Variants in NR6A1 observed in about 807,000 individuals in gnomAD.
NR6A1 encodes nuclear receptor subfamily 6 group A member 1.
Under a neutral mutation model 59.1 loss-of-function variants are expected in NR6A1, and 7 were observed. The ratio of observed to expected loss-of-function variants is 0.12; its 90% CI spans 0.07 to 0.22. The LOEUF (loss-of-function observed/expected upper bound fraction) is 0.22. Among genes scored for constraint, NR6A1 ranks in the 10% least tolerant of loss-of-function variants. The probability of loss-of-function intolerance (pLI) is 1.00; values close to 1 mark genes in which losing one functional copy is unlikely to be tolerated. For synonymous variants in NR6A1, 243 were observed against 236.1 expected, an observed-to-expected ratio of 1.03 and a Z score of -0.27; for missense variants, 468 against 611.6, an observed-to-expected ratio of 0.77 and a Z score of 2.48.
intron 2 of NR6A1, among the ~76,000 whole-genome samples, chr9:124,716,212 T>A (rs1472174429): frequency 6.6e-6 from 1 of 151,942 alleles, no homozygotes; most frequent in Non-Finnish European, 1.5e-5. Flanking sequence ...CTCAAAAAAA[T>A]AAAATGTAAT....
chr9:124,722,275 T>C (rs963602565), intron 2 of NR6A1, among the ~76,000 whole-genome samples: 2 of 152,342 alleles, frequency 1.3e-5, no homozygotes, highest in Admixed American at 6.5e-5. Flanking sequence ...GCAAAGTGCC[T>C]GGCACACAAG....
At chr9:124,544,956 T>C (rs1387610189) in intron 3 of NR6A1, among the ~76,000 whole-genome samples, 1 of 152,188 alleles carries the variant, frequency 6.6e-6, no homozygotes, top group Non-Finnish European at 1.5e-5. Context: ...GATAAGCTAA[T>C]GACATTATGT....
At chr9:124,640,754 G>A (rs973324457) in intron 2 of NR6A1, among the ~76,000 whole-genome samples, 3 of 151,470 alleles carry the variant, frequency 2.0e-5, no homozygotes, top group Non-Finnish European at 4.4e-5. Context: ...CAGCACCCAA[G>A]CAGGATTACA....
intron 2 of NR6A1, among the ~76,000 whole-genome samples, chr9:124,705,652 C>T (rs1282250011): frequency 6.6e-6 from 1 of 152,120 alleles, no homozygotes; most frequent in Non-Finnish European, 1.5e-5. Flanking sequence ...GGTACATTCA[C>T]ATTTAATATA....
At chr9:124,528,488 C>G (rs747443128) in intron 7 of NR6A1, among the ~76,000 whole-genome samples, 25 of 152,066 alleles carry the variant, frequency 1.6e-4, no homozygotes, top group Non-Finnish European at 2.9e-4. Flanking sequence ...ACTGCTTGAG[C>G]CCAGGAGTTC....
At chr9:124,738,199 A>G (rs1840068039) in intron 1 of NR6A1, among the ~76,000 whole-genome samples, 2 of 152,176 alleles carry the variant, frequency 1.3e-5, no homozygotes, top group Admixed American at 6.5e-5. Flanking sequence ...GGTTGCAGTG[A>G]GCGGAGATCG....
chr9:124,526,312 G>T (rs1588636504), intron 8 of NR6A1, among the ~76,000 whole-genome samples: 1 of 151,906 alleles, frequency 6.6e-6, no homozygotes, highest in African/African-American at 2.4e-5. Context: ...GTGTGTGTGT[G>T]TGTGTTTGTG....
intron 2 of NR6A1, among the ~76,000 whole-genome samples, chr9:124,669,941 G>A (rs762575339): frequency 6.6e-6 from 1 of 152,034 alleles, no homozygotes; most frequent in Admixed American, 6.6e-5. Context: ...GTAGGCCCTC[G>A]ATAAATACTT....
intron 2 of NR6A1, among the ~76,000 whole-genome samples, chr9:124,630,832 C>T (rs1836419806): frequency 6.6e-6 from 1 of 151,762 alleles, no homozygotes; most frequent in African/African-American, 2.4e-5. Flanking sequence ...GTATGGGCCA[C>T]CACATCCTGC....
intron 4 of NR6A1, among the ~76,000 whole-genome samples, chr9:124,541,166 A>C (rs913418534): frequency 6.6e-6 from 1 of 152,214 alleles, no homozygotes; most frequent in Non-Finnish European, 1.5e-5. Flanking sequence ...TGTGCAACAA[A>C]GGAAACAATC....
intron 2 of NR6A1, among the ~76,000 whole-genome samples, chr9:124,696,814 G>A (rs1838779971): frequency 6.6e-6 from 1 of 151,936 alleles, no homozygotes; most frequent in Non-Finnish European, 1.5e-5. Flanking sequence ...GTACCACCAT[G>A]CCTGGATAAT....
At chr9:124,540,293 T>G in intron 4 of NR6A1, 106 bp from the exon 5 acceptor site, 109 of 1,226,384 alleles carry the variant, frequency 8.9e-5, no homozygotes, top group Non-Finnish European at 1.1e-4. Flanking sequence ...GAAACCTAGG[T>G]TCCCTCTCCT....
At chr9:124,754,210 C>T (rs1840580885) in intron 1 of NR6A1, among the ~76,000 whole-genome samples, 1 of 152,190 alleles carries the variant, frequency 6.6e-6, no homozygotes, top group African/African-American at 2.4e-5. Context: ...GTACTTACTA[C>T]AGTCCCACCA....
At chr9:124,765,190 T>C (rs1205135153) in intron 1 of NR6A1, among the ~76,000 whole-genome samples, 1 of 152,228 alleles carries the variant, frequency 6.6e-6, no homozygotes, top group African/African-American at 2.4e-5. Flanking sequence ...GATTATATAA[T>C]GCTGATGGAG....
intron 2 of NR6A1, among the ~76,000 whole-genome samples, chr9:124,562,657 T>C (rs1834115140): frequency 6.6e-6 from 1 of 152,132 alleles, no homozygotes; most frequent in South Asian, 2.1e-4. Flanking sequence ...TCATATTAAA[T>C]TGCATTTCTT....
In NR6A1 at chr9:124,558,972, A is replaced by G. The variant is rs377289681; in HGVS notation, c.143-4402T>C. Among the ~76,000 whole-genome samples the G allele has an allele frequency of 2.4e-4, 37 of 152,326 alleles. 1 individual carries two copies. The highest frequency in any genetic ancestry group is 1.7e-3 in the South Asian group (8 of 4,828). The stretch of plus-strand genomic sequence containing the variant: ...TCCTATTGCAAAGGATTTGAAGTGT[A>G]TAAGTGTATTTATAGCATGTTTACA... On this transcript the variant is annotated intron_variant, in intron 2 of 9. Transcript: ENST00000487099.
chr9:124,538,381 G>C, intron 5 of NR6A1, 62 bp from the exon 6 acceptor site: 1 of 1,326,408 alleles, frequency 7.5e-7, no homozygotes, highest in East Asian at 2.3e-5. Flanking sequence ...CTCAAAGGAA[G>C]TGAGCCAGAA....
At chr9:124,696,309 G>A (rs1250739098) in intron 2 of NR6A1, among the ~76,000 whole-genome samples, 1 of 152,096 alleles carries the variant, frequency 6.6e-6, no homozygotes, top group African/African-American at 2.4e-5. Flanking sequence ...GTTAGCAGGG[G>A]TAGAACTGAG....
intron 2 of NR6A1, among the ~76,000 whole-genome samples, chr9:124,605,190 C>CACATTCATCT (rs1835544885): frequency 1.3e-5 from 2 of 152,160 alleles, no homozygotes; most frequent in Admixed American, 6.5e-5. Flanking sequence ...TTCAGAATAA[C>CACATTCATCT]ACATTCATCT....
Sources: gnomAD v4.1 joint callset for allele counts (sites outside exome capture counted in the v4.1 genomes callset) on GRCh38, gnomAD v4.1.1 for gene constraint, MANE v1.5 for transcripts, NCBI Gene and HGNC (gene_info 2026-07-23, HGNC 2026-07-21) for gene names.